PDZRN3: variants seen among roughly 807,000 people sequenced by gnomAD.
PDZRN3 encodes E3 ubiquitin-protein ligase PDZRN3.
Under a neutral mutation model 85.7 loss-of-function variants are expected in PDZRN3, and 38 were observed. That is an observed-to-expected ratio of 0.44 (90% CI 0.34 to 0.58). The LOEUF (loss-of-function observed/expected upper bound fraction) is 0.58, where lower values mean the gene tolerates loss of function less well. PDZRN3 is among the 20% of genes least tolerant of loss of function. The pLI is 0.01. For synonymous variants in PDZRN3, 759 were observed against 638.0 expected (o/e 1.19, Z -2.86); for missense variants, 1,629 against 1,506.4 (o/e 1.08, Z -1.35).
intron 3 of PDZRN3, among the ~76,000 whole-genome samples, chr3:73,517,767 T>C: frequency 6.6e-6 from 1 of 152,226 alleles, no homozygotes; most frequent in African/African-American, 2.4e-5. Flanking sequence ...ATATGTTTTG[T>C]GCACCAAAAT....
At chr3:73,416,876 G>GTTTTTTTTTTTTTTTTTTTTTT (rs146381615) in intron 3 of PDZRN3, among the ~76,000 whole-genome samples, 2 of 110,404 alleles carry the variant, frequency 1.8e-5, no homozygotes, top group African/African-American at 3.5e-5. Context: ...TTTTTTTTTG[G>GTTTTTTTTTTTTTTTTTTTTTT]TTTTTTTTTT....
chr3:73,433,590 G>T, intron 3 of PDZRN3: 1 of 1,249,614 alleles, frequency 8.0e-7, no homozygotes, highest in Non-Finnish European at 1.1e-6. Flanking sequence ...GTTACACTTG[G>T]CCAGGTGGGT....
At chr3:73,594,956 T>C (rs191622615) in intron 3 of PDZRN3, among the ~76,000 whole-genome samples, 11 of 152,256 alleles carry the variant, frequency 7.2e-5, no homozygotes, top group Admixed American at 2.6e-4. Flanking sequence ...TATCCAGAGA[T>C]AGCAAATACA....
In PDZRN3 at chr3:73,533,051, G is replaced by A. The variant is rs185990440; in HGVS notation, c.918+69303C>T. ...AGTCTTTAACTCAATGGGTCTTTAC[G>A]TCCATAGGTTTCATATTTAACAAGT... is the stretch of plus-strand genomic sequence containing the variant. On this transcript the variant is annotated intron_variant, in intron 3 of 9. Coordinates refer to ENST00000263666, the MANE Select transcript of PDZRN3 (RefSeq NM_015009.3). Among the ~76,000 whole-genome samples the A allele has an allele frequency of 2.8e-4, 43 of 152,258 alleles. No homozygotes were observed. In the East Asian group the frequency reaches 7.7e-3, roughly 27 times the overall value.
At chr3:73,612,027 C>A (rs1414926517) in intron 1 of PDZRN3, among the ~76,000 whole-genome samples, 2 of 152,164 alleles carry the variant, frequency 1.3e-5, no homozygotes, top group African/African-American at 4.8e-5. Flanking sequence ...TGATAGGCAG[C>A]AGCATCTTTC....
chr3:73,574,827 C>T (rs1702099687), intron 3 of PDZRN3, among the ~76,000 whole-genome samples: 1 of 152,174 alleles, frequency 6.6e-6, no homozygotes, highest in Non-Finnish European at 1.5e-5. Context: ...ATTCAACTTC[C>T]CCCCTCATCT....
At chr3:73,531,855 A>G (rs1400401894) in intron 3 of PDZRN3, among the ~76,000 whole-genome samples, 1 of 152,196 alleles carries the variant, frequency 6.6e-6, no homozygotes, top group African/African-American at 2.4e-5. Context: ...CAGCACATAC[A>G]TCTCCACCCA....
At chr3:73,408,043 T>C (rs1203594097) in intron 3 of PDZRN3, 4 of 653,140 alleles carry the variant, frequency 6.1e-6, no homozygotes, top group Non-Finnish European at 1.1e-5. Context: ...CAGAAACGCA[T>C]TTCTGACAAC....
Position 73,389,892 on chromosome 3 carries a change from G to A in PDZRN3, c.1354-14C>T. 6.2e-7 allele frequency: 1 copy of A among 1,606,898 alleles called. No individual in the cohort carries two copies. The highest frequency in any genetic ancestry group is 1.7e-5 in the Admixed American group (1 of 60,014). ...GTTAGGGTCAATCTGAAACACACAT[G>A]GACCATCTCAGCGCAAACGCAGACA... On this transcript the variant is annotated splice_polypyrimidine_tract_variant and intron_variant, in intron 6 of 9. Coordinates refer to ENST00000263666, the MANE Select transcript of PDZRN3 (RefSeq NM_015009.3).
chr3:73,473,060 G>A (rs114490202), intron 3 of PDZRN3, among the ~76,000 whole-genome samples: 9 of 152,242 alleles, frequency 5.9e-5, no homozygotes, highest in Non-Finnish European at 8.8e-5. Context: ...CCTTATCACT[G>A]AAGACAGTCC....
intron 5 of PDZRN3, 32 bp from the exon 6 acceptor site, chr3:73,391,148 C>G: frequency 7.5e-7 from 1 of 1,342,232 alleles, no homozygotes; most frequent in South Asian, 1.2e-5. Flanking sequence ...CAGTGAGACT[C>G]CAGCAGGCAA....
chr3:73,581,721 G>GATGGA, intron 3 of PDZRN3, among the ~76,000 whole-genome samples: 1 of 151,830 alleles, frequency 6.6e-6, no homozygotes, highest in East Asian at 1.9e-4. Flanking sequence ...TGTATCTATT[G>GATGGA]ATGGAATGGG....
intron 3 of PDZRN3, among the ~76,000 whole-genome samples, chr3:73,476,388 C>T (rs930287535): frequency 1.3e-5 from 2 of 152,136 alleles, no homozygotes; most frequent in African/African-American, 2.4e-5. Context: ...AGAATTCTAT[C>T]ACTAGACAGC....
rs1703873657 is a variant in PDZRN3 at position 73,496,680 on chromosome 3, C to A, written c.919-92285G>T. On this transcript the variant is annotated intron_variant, in intron 3 of 9. Transcript: ENST00000263666. ...ATTCAAATTTCAACACACAAAAAGT[C>A]CTTTTATAGTTAGTAATAAAAAAGG... Among the ~76,000 whole-genome samples the A allele has an allele frequency of 2.0e-5, 3 of 151,946 alleles. No homozygotes were observed. In the South Asian group the frequency reaches 6.3e-4, roughly 32 times the overall value.
intron 3 of PDZRN3, among the ~76,000 whole-genome samples, chr3:73,548,304 A>T (rs1701475022): frequency 6.6e-6 from 1 of 152,220 alleles, no homozygotes; most frequent in Non-Finnish European, 1.5e-5. Context: ...AACCAGCTCC[A>T]AAACATTGAA....
intron 3 of PDZRN3, among the ~76,000 whole-genome samples, chr3:73,543,410 A>G (rs1208354221): frequency 1.3e-5 from 2 of 152,246 alleles, no homozygotes; most frequent in African/African-American, 4.8e-5. Flanking sequence ...TCTTCTACAA[A>G]TGAGGCAAAA....
intron 3 of PDZRN3, among the ~76,000 whole-genome samples, chr3:73,457,095 CAG>C (rs1372755602): frequency 9.2e-5 from 14 of 151,812 alleles, no homozygotes; most frequent in Non-Finnish European, 1.5e-4. Flanking sequence ...TTTTTTGAGA[CAG>C]AGTCTCACTC....
chr3:73,397,553 A>C (rs1427196142), intron 5 of PDZRN3, among the ~76,000 whole-genome samples: 2 of 152,214 alleles, frequency 1.3e-5, no homozygotes, highest in African/African-American at 4.8e-5. Flanking sequence ...GGGTTTATTA[A>C]TTAACCTTCT....
intron 3 of PDZRN3, among the ~76,000 whole-genome samples, chr3:73,546,394 G>C (rs905907514): frequency 2.0e-5 from 3 of 152,190 alleles, no homozygotes; most frequent in Admixed American, 6.5e-5. Flanking sequence ...AAATTTCAAA[G>C]CCACTTGAAA....
Sources: allele counts gnomAD v4.1 joint callset (sites outside exome capture counted in the v4.1 genomes callset), GRCh38; gene constraint gnomAD v4.1.1; transcripts MANE v1.5; gene names NCBI Gene and HGNC (gene_info 2026-07-23, HGNC 2026-07-21).